Variants in NRIP3 observed in about 807,000 individuals in gnomAD.
The protein encoded by NRIP3 is nuclear receptor-interacting protein 3.
Under a neutral mutation model 29.0 loss-of-function variants are expected in NRIP3, and 31 were observed. The observed-to-expected ratio is 1.07, with a 90% CI of 0.80 to 1.44. The LOEUF is 1.44. NRIP3 is among the 40% of genes most tolerant of loss of function. The pLI is 0.00. For synonymous variants in NRIP3, 131 were observed against 118.3 expected (o/e 1.11, Z -0.70); for missense variants, 314 against 297.9 (o/e 1.05, Z -0.40).
At chr11:8,983,586 G>C (rs1238597605) in intron 6 of NRIP3, 26 bp from the exon 7 acceptor site, 1 of 1,610,066 alleles carries the variant, frequency 6.2e-7, no homozygotes, top group Middle Eastern at 1.7e-4. Flanking sequence ...AATATCAGGA[G>C]AAATAATGCC....
At chr11:8,984,015 TAA>T in intron 5 of NRIP3, 46 bp from the exon 6 acceptor site, 1 of 1,602,076 alleles carries the variant, frequency 6.2e-7, no homozygotes, top group East Asian at 2.2e-5. Context: ...AGTTCCTGTG[TAA>T]GAGGATACCT....
chr11:8,999,997 A>G (rs1854767970), intron 1 of NRIP3, among the ~76,000 whole-genome samples: 1 of 152,168 alleles, frequency 6.6e-6, no homozygotes, highest in Admixed American at 6.5e-5. Context: ...TCCCACAAGA[A>G]TGAAAGTTCC....
chr11:8,983,587 A>G (rs376897621), intron 6 of NRIP3, 27 bp from the exon 7 acceptor site: 34 of 1,608,510 alleles, frequency 2.1e-5, no homozygotes, highest in Non-Finnish European at 2.7e-5. Context: ...ATATCAGGAG[A>G]AATAATGCCA....
intron 4 of NRIP3, among the ~76,000 whole-genome samples, chr11:8,985,164 A>ATTT (rs35528175): frequency 5.0e-5 from 4 of 79,380 alleles, no homozygotes; most frequent in African/African-American, 5.0e-5. Flanking sequence ...TGCTCCTTGA[A>ATTT]TTTTTTTTTT....
chr11:8,984,941 T>A (rs1051000049), intron 4 of NRIP3, among the ~76,000 whole-genome samples: 1 of 151,956 alleles, frequency 6.6e-6, no homozygotes, highest in African/African-American at 2.4e-5. Context: ...AAGCTCTGCC[T>A]CTCGGGTCCA....
rs767253373 is a variant in NRIP3 at position 8,998,784 on chromosome 11, A to ATTTT, written c.174+4974_174+4977dup. On this transcript the variant is annotated intron_variant, in intron 1 of 6. Coordinates refer to ENST00000309166, the MANE Select transcript of NRIP3 (RefSeq NM_020645.3). ...AACTTGTTCAAAAATCAAACTCTTC[A>ATTTT]TTTTTTTTTTTTTTTTTTTTTTTTT... Among the ~76,000 whole-genome samples, 81 of 77,606 alleles carry ATTTT rather than the reference A, an allele frequency of 1.0e-3. 7 individuals carry two copies. The highest frequency in any genetic ancestry group is 1.8e-3 in the African/African-American group (36 of 19,622). 50.9% of individuals were successfully genotyped at this position (77,606 alleles called of 152,430 possible). A position where few individuals can be genotyped will look rare whatever the true frequency, so the allele number is the denominator to read the frequency against.
chr11:8,987,999 T>A (rs1854543490), intron 2 of NRIP3, 119 bp downstream of exon 2: 1 of 859,560 alleles, frequency 1.2e-6, no homozygotes, highest in Non-Finnish European at 1.9e-6. Context: ...TTGCATGGAG[T>A]GCCCCTTTTA....
chr11:9,001,645 T>C (rs1854799795), intron 1 of NRIP3, among the ~76,000 whole-genome samples: 1 of 152,234 alleles, frequency 6.6e-6, no homozygotes, highest in Admixed American at 6.5e-5. Context: ...ATCCCACATG[T>C]ATTTATAAAG....
Position 8,987,533 on chromosome 11 carries a change from C to T in NRIP3, c.422+15G>A. The T allele has an allele frequency of 1.3e-6, 2 of 1,594,208 alleles. No homozygotes were observed. The highest frequency in any genetic ancestry group is 1.7e-6 in the Non-Finnish European group (2 of 1,161,870). ...AGTCACATCTAAGTTCCACTCAGCA[C>T]AAGTGCCTACTTACCCCAATCTGTC... On this transcript the variant is annotated intron_variant, in intron 3 of 6. Transcript: ENST00000309166.
intron 1 of NRIP3, among the ~76,000 whole-genome samples, chr11:8,992,707 G>C (rs1226589200): frequency 1.3e-5 from 2 of 152,026 alleles, no homozygotes; most frequent in Non-Finnish European, 2.9e-5. Flanking sequence ...TCAGGAGTTC[G>C]AGACCAGCCT....
chr11:8,983,641 C>A (rs1589957401), intron 6 of NRIP3, 81 bp from the exon 7 acceptor site: 8 of 1,316,828 alleles, frequency 6.1e-6, no homozygotes, highest in Non-Finnish European at 8.7e-6. Flanking sequence ...ATTTTGCTTT[C>A]AAAGCTAGTC....
chr11:8,985,005 C>G (rs535364087), intron 4 of NRIP3, among the ~76,000 whole-genome samples: 1 of 151,862 alleles, frequency 6.6e-6, no homozygotes, highest in South Asian at 2.1e-4. Flanking sequence ...GTATGCGCCA[C>G]CAGTCCCGGC....
intron 1 of NRIP3, among the ~76,000 whole-genome samples, chr11:8,997,537 C>T (rs868369103): frequency 1.2e-4 from 18 of 152,284 alleles, no homozygotes; most frequent in Middle Eastern, 3.4e-3. Context: ...CCCTGCTTCT[C>T]TACTCTTCCT....
intron 1 of NRIP3, among the ~76,000 whole-genome samples, chr11:8,989,833 G>C (rs997238356): frequency 2.4e-4 from 36 of 152,100 alleles, no homozygotes; most frequent in African/African-American, 8.5e-4. Flanking sequence ...CAGGGTGTTT[G>C]TTTCTGTTAC....
In NRIP3 at chr11:8,982,969, A is replaced by G. The variant is rs1046278912; in HGVS notation, c.*576T>C. Reference sequence around the variant, plus strand: ...CCTTCAGTCACTGACCTAATATATGAACTTAGACAATTCACTTGCCTCTCT... The same window carrying G: ...CCTTCAGTCACTGACCTAATATATGGACTTAGACAATTCACTTGCCTCTCT... On this transcript the variant is annotated 3_prime_UTR_variant, in exon 7 of 7. Coordinates refer to ENST00000309166, the MANE Select transcript of NRIP3 (RefSeq NM_020645.3). 1.1e-5 allele frequency: 5 copies of G among 456,476 alleles called. No individual in the cohort carries two copies. Among genetic ancestry groups the G allele is most frequent in the African/African-American group, 1.0e-4 (5 of 50,018 alleles). 28.3% of individuals were successfully genotyped at this position (456,476 alleles called of 1,614,324 possible).
At chr11:9,002,299 A>C (rs191522449) in intron 1 of NRIP3, among the ~76,000 whole-genome samples, 4 of 152,322 alleles carry the variant, frequency 2.6e-5, no homozygotes, top group Admixed American at 2.6e-4. Context: ...TGATTTGTTA[A>C]ATGAATCGAG....
Position 8,982,385 on chromosome 11 carries a change from C to CT in NRIP3, c.*1159dup, listed in dbSNP as rs1245257959. ...TTCCCTGCCTCCCAGAAAGGTTTAT[C>CT]TAGATAGGCCTCTCCACCAACTGAT... On this transcript the variant is annotated 3_prime_UTR_variant, in exon 7 of 7. Coordinates refer to ENST00000309166, the MANE Select transcript of NRIP3 (RefSeq NM_020645.3). 6.6e-6 allele frequency: 1 copy of CT among 152,592 alleles called. No homozygotes were observed. The highest frequency in any genetic ancestry group is 2.4e-5 in the African/African-American group (1 of 41,464). 9.5% of individuals were successfully genotyped at this position (152,592 alleles called of 1,614,324 possible).
rs1854459568 is a variant in NRIP3 at position 8,983,717 on chromosome 11, G to A, written c.711-157C>T. On this transcript the variant is annotated intron_variant, in intron 6 of 6. Transcript: ENST00000309166. ...TGATGTGTGCACTACAGAGTTTTGT[G>A]GGGTGATGAACTCTGGGTGTGGGGA... 11 of 871,756 alleles carry A rather than the reference G, an allele frequency of 1.3e-5. 1 individual carries two copies. In the East Asian group the frequency reaches 2.8e-4, roughly 22 times the overall value. The allele number at this position is 871,756 out of a possible 1,614,324, so 54.0% of individuals were successfully genotyped here. A position where few individuals can be genotyped will look rare whatever the true frequency, so the allele number is the denominator to read the frequency against.
chr11:8,997,908 T>TGGTA (rs1475823283), intron 1 of NRIP3, among the ~76,000 whole-genome samples: 1 of 152,070 alleles, frequency 6.6e-6, no homozygotes, highest in African/African-American at 2.4e-5. Flanking sequence ...ACAGAGGAAA[T>TGGTA]GGTAGGGGTC....
Sources: allele counts gnomAD v4.1 joint callset (sites outside exome capture counted in the v4.1 genomes callset), GRCh38; gene constraint gnomAD v4.1.1; transcripts MANE v1.5; gene names NCBI Gene and HGNC (gene_info 2026-07-23, HGNC 2026-07-21).